PRDM10: variants seen among roughly 807,000 people sequenced by gnomAD.
The protein encoded by PRDM10 is PR domain zinc finger protein 10.
A neutral mutation model predicts 133.1 loss-of-function variants in PRDM10; 65 were observed. The ratio of observed to expected loss-of-function variants is 0.49; its 90% CI spans 0.40 to 0.60. The LOEUF (loss-of-function observed/expected upper bound fraction) is 0.60, where lower values mean the gene tolerates loss of function less well. Among genes scored for constraint, PRDM10 ranks in the 20% least tolerant of loss-of-function variants. The pLI is 0.00. For missense variants in PRDM10, 1,137 were observed against 1,507.1 expected, an observed-to-expected ratio of 0.75 and a Z score of 4.07; for synonymous variants, 582 against 580.4, an observed-to-expected ratio of 1.00 and a Z score of -0.04.
chr11:129,939,293 A>C (rs1391547875), intron 7 of PRDM10, among the ~76,000 whole-genome samples: 1 of 152,242 alleles, frequency 6.6e-6, no homozygotes, highest in African/African-American at 2.4e-5. Context: ...TGAATTAATC[A>C]TATATGATTT....
intron 2 of PRDM10, among the ~76,000 whole-genome samples, chr11:129,960,006 C>G (rs1459252306): frequency 1.3e-5 from 2 of 151,838 alleles, no homozygotes; most frequent in Non-Finnish European, 2.9e-5. Context: ...ATCGAGCCTC[C>G]TGCCTTGCCC....
At chr11:129,933,845 T>C (rs1057129829) in intron 9 of PRDM10, among the ~76,000 whole-genome samples, 6 of 152,174 alleles carry the variant, frequency 3.9e-5, no homozygotes, top group East Asian at 1.9e-4. Flanking sequence ...TTCTAGACCC[T>C]GTCACCCTTG....
chr11:129,941,828 A>G (rs929710271), intron 7 of PRDM10, among the ~76,000 whole-genome samples: 1 of 152,226 alleles, frequency 6.6e-6, no homozygotes, highest in Admixed American at 6.5e-5. Context: ...GGTTGAGTGT[A>G]TTAAGTACAT....
intron 8 of PRDM10, among the ~76,000 whole-genome samples, chr11:129,936,375 CG>C (rs1951029643): frequency 6.6e-6 from 1 of 151,734 alleles, no homozygotes; most frequent in African/African-American, 2.4e-5. Flanking sequence ...CTTTTTCGGC[CG>C]GGTGCAGTGG....
At chr11:129,981,072 T>C (rs377092309) in intron 1 of PRDM10, among the ~76,000 whole-genome samples, 15 of 151,998 alleles carry the variant, frequency 9.9e-5, no homozygotes, top group African/African-American at 3.6e-4. Flanking sequence ...GGTTTCACCA[T>C]ATTGGTCAGG....
At chr11:129,971,573 A>C (rs991286226) in intron 1 of PRDM10, among the ~76,000 whole-genome samples, 1 of 151,766 alleles carries the variant, frequency 6.6e-6, no homozygotes, top group African/African-American at 2.4e-5. Flanking sequence ...GAGTGCCCAT[A>C]GGTGTATTTA....
At chr11:129,905,578 GAGTTA>G in intron 20 of PRDM10, 55 bp downstream of exon 20, 1 of 1,212,696 alleles carries the variant, frequency 8.2e-7, no homozygotes, top group South Asian at 1.2e-5. Context: ...GTGGTGATAA[GAGTTA>G]CTATACAGCA....
chr11:129,958,048 T>C, intron 2 of PRDM10, 138 bp from the exon 3 acceptor site: 4 of 960,396 alleles, frequency 4.2e-6, no homozygotes, highest in Non-Finnish European at 6.1e-6. Context: ...AGGTGGTGAC[T>C]AGGGGAGGAT....
chr11:129,981,765 G>A (rs936386743), intron 1 of PRDM10, among the ~76,000 whole-genome samples: 6 of 151,888 alleles, frequency 4.0e-5, no homozygotes, highest in South Asian at 2.1e-4. Flanking sequence ...GCATGGTGGC[G>A]GGCACCTGTA....
rs138817235 is a variant in PRDM10 at position 129,950,838 on chromosome 11, C to T, written c.295-3468G>A. ...GTAAAACCGCGATGTATTTTTTTCC[C>T]AACAGATGCTGTCAGAAAGACACCG... On this transcript the variant is annotated intron_variant, in intron 4 of 20. Coordinates refer to ENST00000360871, the MANE Select transcript of PRDM10 (RefSeq NM_199437.2). Among the ~76,000 whole-genome samples, 387 of 152,214 alleles carry T rather than the reference C, an allele frequency of 2.5e-3. 2 individuals carry two copies. Among genetic ancestry groups the T allele is most frequent in the African/African-American group, 8.8e-3 (365 of 41,518 alleles).
chr11:129,932,189 A>G lies in PRDM10; in HGVS notation c.1200T>C (p.Gly400=), dbSNP rs753468396. 1.2e-6 allele frequency: 2 copies of G among 1,614,120 alleles called. No individual in the cohort carries two copies. Among genetic ancestry groups the G allele is most frequent in the Non-Finnish European group, 1.7e-6 (2 of 1,179,990 alleles). ...RGRGRGKRRF[G]PGRRPGRPPK... ...GAGGACGCCCCGGCCGTCGACCTGG[A>G]CCGAATCGCCTCTTGCCTCGTCCCC... The change falls in exon 10 of 21, where the codon GGT becomes GGC. Residue 400 remains glycine (G), a synonymous_variant. Coordinates refer to ENST00000360871, the MANE Select transcript of PRDM10 (RefSeq NM_199437.2).
At chr11:129,978,326 A>G (rs939414154) in intron 1 of PRDM10, among the ~76,000 whole-genome samples, 6 of 152,220 alleles carry the variant, frequency 3.9e-5, no homozygotes, top group African/African-American at 1.2e-4. Context: ...AAAAACTCCA[A>G]AAAAGCCTTC....
intron 16 of PRDM10, among the ~76,000 whole-genome samples, chr11:129,915,262 C>G (rs1950321208): frequency 6.6e-6 from 1 of 151,630 alleles, no homozygotes. Flanking sequence ...CAATACCCCC[C>G]CCAAATAGTA....
chr11:129,993,066 G>A (rs866765479), intron 1 of PRDM10, among the ~76,000 whole-genome samples: 1 of 152,306 alleles, frequency 6.6e-6, no homozygotes, highest in African/African-American at 2.4e-5. Context: ...TTCCAAGGTA[G>A]TCATATGAAT....
intron 1 of PRDM10, among the ~76,000 whole-genome samples, chr11:129,997,990 A>G (rs2136009991): frequency 6.7e-6 from 1 of 149,780 alleles, no homozygotes; most frequent in African/African-American, 2.5e-5. Flanking sequence ...CCCTACCCCT[A>G]GCTGACTAAG....
In PRDM10 at chr11:129,944,791, C is replaced by T. The variant is rs1263963050; in HGVS notation, c.742G>A (p.Asp248Asn). The stretch of plus-strand genomic sequence containing the variant: ...ATTACCTTGAGGTGAATGTAACAGT[C>T]TTTCAGCTCCGAGCCCCTGACGAGA... ...GPLVRGSELK[D>N]CYIHLKVSLD... The change falls in exon 6 of 21, where the codon GAC becomes AAC. Residue 248 changes from aspartate to asparagine, a missense_variant. By Grantham distance (23) the Asp-to-Asn change is conservative (BLOSUM62 1). Around this residue, in one of 6 missense-constraint regions of PRDM10, gnomAD observed 635 missense variants for 835.2 expected, o/e 0.76. Transcript: ENST00000360871. 6.2e-7 allele frequency: 1 copy of T among 1,613,832 alleles called. No homozygotes were observed. Among genetic ancestry groups the T allele is most frequent in the East Asian group, 2.2e-5 (1 of 44,854 alleles).
chr11:129,978,747 C>A (rs60639553), intron 1 of PRDM10, among the ~76,000 whole-genome samples: 4,148 of 152,312 alleles, frequency 0.027, 142 homozygotes, highest in East Asian at 0.1. Flanking sequence ...GCTCAGGTTT[C>A]CCATCAGGGT....
intron 7 of PRDM10, among the ~76,000 whole-genome samples, chr11:129,938,314 G>T (rs1951098721): frequency 6.6e-6 from 1 of 152,082 alleles, no homozygotes; most frequent in Non-Finnish European, 1.5e-5. Flanking sequence ...TGTTTTAGAT[G>T]TCTCACAAAC....
chr11:129,979,995 C>T (rs1938014944), intron 1 of PRDM10, among the ~76,000 whole-genome samples: 1 of 152,222 alleles, frequency 6.6e-6, no homozygotes, highest in Non-Finnish European at 1.5e-5. Context: ...ATTAAAGCCA[C>T]AATGAGATGC....
Sources: allele counts gnomAD v4.1 joint callset (sites outside exome capture counted in the v4.1 genomes callset), GRCh38; gene constraint gnomAD v4.1.1; regional missense constraint gnomAD v4.1.1; transcripts MANE v1.5; gene names NCBI Gene and HGNC (gene_info 2026-07-23, HGNC 2026-07-21).